Variants in RIPPLY3 observed in about 807,000 individuals in gnomAD.
RIPPLY3 encodes the protein ripply transcriptional repressor 3, also known as protein ripply3.
RIPPLY3 carries 8 observed loss-of-function variants against 11.9 expected under a neutral mutation model. That is an observed-to-expected ratio of 0.67 (90% confidence interval 0.40 to 1.21). The LOEUF is 1.21. Ranked by LOEUF, RIPPLY3 falls within the 50% of genes most tolerant of loss-of-function variation. The pLI, the probability that RIPPLY3 is intolerant of heterozygous loss-of-function variation, is 0.01. For missense variants in RIPPLY3, 271 were observed against 246.0 expected (o/e 1.10, Z -0.68); for synonymous variants, 102 against 99.0 (o/e 1.03, Z -0.18).
At chr21:37,011,282 ACGGGC>A (rs1276776335) in intron 2 of RIPPLY3, among the ~76,000 whole-genome samples, 7 of 152,224 alleles carry the variant, frequency 4.6e-5, no homozygotes, top group African/African-American at 1.7e-4. Flanking sequence ...GCTGGTAATT[ACGGGC>A]GTGAGCCACT....
chr21:37,011,109 T>A lies in RIPPLY3; in HGVS notation c.172-2442T>A, dbSNP rs931033751. ...GCCTCTGCCTCCCAGGTTCAAGCGA[T>A]TCGCCTGCCTCAGCCTCCAAGTAGC... is the stretch of plus-strand genomic sequence containing the variant. On this transcript the variant is annotated intron_variant, in intron 2 of 3. Coordinates refer to ENST00000329553, the MANE Select transcript of RIPPLY3 (RefSeq NM_018962.3). Among the ~76,000 whole-genome samples, 4 of 152,032 alleles carry A rather than the reference T, an allele frequency of 2.6e-5. No individual in the cohort carries two copies. The East Asian group carries it at 7.7e-4, about 29-fold the overall frequency.
chr21:37,010,867 T>G (rs2069514494), intron 2 of RIPPLY3, among the ~76,000 whole-genome samples: 1 of 152,218 alleles, frequency 6.6e-6, no homozygotes, highest in Admixed American at 6.5e-5. Flanking sequence ...CTCGCACATA[T>G]GTTAAACGCA....
chr21:37,009,949 A>G (rs1482620579), intron 2 of RIPPLY3, among the ~76,000 whole-genome samples: 7 of 152,216 alleles, frequency 4.6e-5, no homozygotes, highest in African/African-American at 1.4e-4. Flanking sequence ...CAGAGCGACC[A>G]GCGCCAGTCT....
At chr21:37,006,663 G>A, upstream of RIPPLY3, 1 of 653,912 alleles carries the variant, frequency 1.5e-6, no homozygotes, top group Non-Finnish European at 2.1e-6. This position sits in a 1 kb window ranked among gnomAD's most constrained non-coding sequence, Gnocchi z 5.2. Context: ...GCGCCGCCCC[G>A]CCCCCGTTTT....
rs144389883 is a variant in RIPPLY3 at position 37,016,193 on chromosome 21, G to A, written c.240-1681G>A. ...AACCTCAGCACTATTGGCACTTTGG[G>A]CTGGATAATTCTTCACGGTGGGAAC... On this transcript the variant is annotated intron_variant, in intron 3 of 3. Coordinates refer to ENST00000329553, the MANE Select transcript of RIPPLY3 (RefSeq NM_018962.3). 7.2e-5 allele frequency among the ~76,000 whole-genome samples: 11 copies of A among 152,176 alleles called. No homozygotes were observed. The East Asian group carries it at 1.5e-3, about 21-fold the overall frequency.
rs1268941252 is a variant in RIPPLY3, at chr21:37,018,513, CT to C, written c.*307del. On this transcript the variant is annotated 3_prime_UTR_variant, in exon 4 of 4. Transcript: ENST00000329553. The stretch of plus-strand genomic sequence containing the variant: ...AAAGCTCCTTCTGCATTGTCACTCA[CT>C]GATCAGGTGATGAATTCTTCCTAGA... 2.8e-6 allele frequency: 1 copy of C among 360,858 alleles called. No individual in the cohort carries two copies. The highest frequency in any genetic ancestry group is 5.5e-5 in the East Asian group (1 of 18,110). The allele number at this position is 360,858 out of a possible 1,614,324, so 22.4% of individuals were successfully genotyped here. A position where few individuals can be genotyped will look rare whatever the true frequency, so the allele number is the denominator to read the frequency against.
At position 37,006,809 on chromosome 21, in the gene RIPPLY3, CG is replaced by C. The variant is rs2146770811; in HGVS notation, c.42del (p.Arg15AlafsTer37). On this transcript the variant is annotated frameshift_variant, in exon 1 of 4. Transcript: ENST00000329553. LOFTEE classifies it high-confidence loss of function. The surrounding 1 kb of genome is among the most constrained non-coding windows in gnomAD (Gnocchi z 5.2). ...AGCGGCGGCCGGAGCCCGGAAGGCG[CG>C]GGGGCGCGGCTGTCACTGCCCCGGG... is the stretch of plus-strand genomic sequence containing the variant. Reference protein sequence around the residue: ...PEAAAGARKARGRGCHCPGDA... With the variant: ...PEAAAGARKAXGRGCHCPGDA... 1.6e-6 allele frequency: 2 copies of C among 1,230,648 alleles called. No individual in the cohort carries two copies. Among genetic ancestry groups the C allele is most frequent in the Non-Finnish European group, 2.0e-6 (2 of 987,266 alleles). The allele number at this position is 1,230,648 out of a possible 1,614,324, so 76.2% of individuals were successfully genotyped here. A position where few individuals can be genotyped will look rare whatever the true frequency, so the allele number is the denominator to read the frequency against.
Position 37,018,931 on chromosome 21 carries a change from T to C in RIPPLY3, c.*724T>C, listed in dbSNP as rs2069610338. ...CTGGCTTTGAACTCCTGACCTCAGG[T>C]GATCCACCCGCCTTGGCCTCCCAAA... On this transcript the variant is annotated 3_prime_UTR_variant, in exon 4 of 4. Transcript: ENST00000329553. 1 of 150,732 alleles carries C rather than the reference T, an allele frequency of 6.6e-6. No homozygotes were observed. The highest frequency in any genetic ancestry group is 1.5e-5 in the Non-Finnish European group (1 of 67,890). The allele number at this position is 150,732 out of a possible 1,614,324, so 9.3% of individuals were successfully genotyped here.
At chr21:37,007,055 G>T (rs1285511560) in intron 1 of RIPPLY3, among the ~76,000 whole-genome samples, 179 bp downstream of exon 1, 1 of 152,256 alleles carries the variant, frequency 6.6e-6, no homozygotes, top group Non-Finnish European at 1.5e-5. Flanking sequence ...CGGGAGGGGC[G>T]CTCAGTTCTC....
chr21:37,015,062 G>T (rs1243689075), intron 3 of RIPPLY3, among the ~76,000 whole-genome samples: 2 of 152,182 alleles, frequency 1.3e-5, no homozygotes, highest in African/African-American at 4.8e-5. Flanking sequence ...AGAATTACTA[G>T]TGGAGCTTTT....
chr21:37,010,768 C>T (rs912197601), intron 2 of RIPPLY3, among the ~76,000 whole-genome samples: 10 of 152,212 alleles, frequency 6.6e-5, no homozygotes, highest in South Asian at 2.1e-4. Context: ...AGCCCTAGCC[C>T]GGTCAGAGAC....
At position 37,018,278 on chromosome 21, in the gene RIPPLY3, G is replaced by T; in HGVS notation, c.*71G>T. The T allele has an allele frequency of 7.6e-7, 1 of 1,309,190 alleles. No individual in the cohort carries two copies. Among genetic ancestry groups the T allele is most frequent in the Non-Finnish European group, 1.1e-6 (1 of 913,944 alleles). The allele number at this position is 1,309,190 out of a possible 1,614,324, so 81.1% of individuals were successfully genotyped here. A position where few individuals can be genotyped will look rare whatever the true frequency, so the allele number is the denominator to read the frequency against. ...GTTCTCTTGGGGACACCCGAGCCAGGACACTACGCATCCCTGCTGAGTGTG... is the reference window on the plus strand; with the variant it reads ...GTTCTCTTGGGGACACCCGAGCCAGTACACTACGCATCCCTGCTGAGTGTG... On this transcript the variant is annotated 3_prime_UTR_variant, in exon 4 of 4. Transcript: ENST00000329553.
chr21:37,006,680 T>C (rs1034581777), upstream of RIPPLY3: 84 of 829,378 alleles, frequency 1.0e-4, no homozygotes, highest in African/African-American at 1.5e-3. This position sits in a 1 kb window ranked among gnomAD's most constrained non-coding sequence, Gnocchi z 5.2. Context: ...TTTTTAAACC[T>C]GGCGCGCGGG....
At chr21:37,016,554 G>A (rs1178174455) in intron 3 of RIPPLY3, among the ~76,000 whole-genome samples, 12 of 152,120 alleles carry the variant, frequency 7.9e-5, no homozygotes, top group Non-Finnish European at 1.2e-4. Flanking sequence ...AAAGCAGGTC[G>A]AGGCATGGTG....
chr21:37,016,416 C>G (rs2069579374), intron 3 of RIPPLY3, among the ~76,000 whole-genome samples: 1 of 152,104 alleles, frequency 6.6e-6, no homozygotes, highest in African/African-American at 2.4e-5. Flanking sequence ...GGTGTTTTCT[C>G]TCTCCCTTTT....
intron 2 of RIPPLY3, among the ~76,000 whole-genome samples, chr21:37,011,929 CAAAAAAAAAAAAAA>C (rs59382996): frequency 0.031 from 1,443 of 47,174 alleles, 35 homozygotes; most frequent in African/African-American, 0.099. Flanking sequence ...GACTCCGTCT[CAAAAAAAAAAAAAA>C]AAAAAAAAAA....
At chr21:37,016,362 G>A (rs1162068185) in intron 3 of RIPPLY3, among the ~76,000 whole-genome samples, 1 of 152,024 alleles carries the variant, frequency 6.6e-6, no homozygotes, top group Non-Finnish European at 1.5e-5. Flanking sequence ...TGGTCTATTG[G>A]ATATCTTATG....
In RIPPLY3 at chr21:37,006,897, C is replaced by G. The variant is rs544717241; in HGVS notation, c.104+21C>G. The G allele has an allele frequency of 2.8e-4, 337 of 1,190,624 alleles. No homozygotes were observed. The African/African-American group carries it at 4.7e-3, about 17-fold the overall frequency. 73.8% of individuals were successfully genotyped at this position (1,190,624 alleles called of 1,614,324 possible). On this transcript the variant is annotated intron_variant, in intron 1 of 3. Transcript: ENST00000329553. The surrounding 1 kb of genome is among the most constrained non-coding windows in gnomAD (Gnocchi z 5.2). Reference sequence around the variant, plus strand: ...GAGAGGTGAGGGTGGCCCCGCGCCCCGGTGGACGCGCTGAGAGGCGTGCGC... The same window carrying G: ...GAGAGGTGAGGGTGGCCCCGCGCCCGGGTGGACGCGCTGAGAGGCGTGCGC...
In RIPPLY3 at chr21:37,018,213, T is replaced by G; in HGVS notation, c.*6T>G. The G allele has an allele frequency of 6.2e-7, 1 of 1,610,262 alleles. No homozygotes were observed. Among genetic ancestry groups the G allele is most frequent in the Non-Finnish European group, 8.5e-7 (1 of 1,176,892 alleles). ...AGTGCTCCTCATCCAAATGAATCAG[T>G]CTCTGTCTCCTGGGCCCTGCTCTGG... On this transcript the variant is annotated 3_prime_UTR_variant, in exon 4 of 4. Transcript: ENST00000329553.
Sources: allele counts gnomAD v4.1 joint callset (sites outside exome capture counted in the v4.1 genomes callset), GRCh38; gene constraint gnomAD v4.1.1; non-coding constraint Gnocchi (gnomAD v3.1); transcripts MANE v1.5; gene names NCBI Gene and HGNC (gene_info 2026-07-23, HGNC 2026-07-21).